Variants in WNK1 observed in about 807,000 individuals in gnomAD.
The protein encoded by WNK1 is serine/threonine-protein kinase WNK1.
A neutral mutation model predicts 222.8 loss-of-function variants in WNK1; 38 were observed. The ratio of observed to expected loss-of-function variants is 0.17; its 90% confidence interval spans 0.13 to 0.22. The LOEUF (loss-of-function observed/expected upper bound fraction) is 0.22. Ranked by LOEUF, WNK1 falls within the 10% of genes least tolerant of loss-of-function variation. The pLI, the probability that WNK1 is intolerant of heterozygous loss-of-function variation, is 1.00. For missense variants in WNK1, 2,348 were observed against 2,918.4 expected (o/e 0.80, Z 4.50); for synonymous variants, 1,090 against 1,092.9 (o/e 1.00, Z 0.05).
At chr12:785,591 G>A (rs1944223830) in intron 1 of WNK1, among the ~76,000 whole-genome samples, 1 of 151,934 alleles carries the variant, frequency 6.6e-6, no homozygotes, top group East Asian at 1.9e-4. Flanking sequence ...TAGAGACGGG[G>A]TTTCACCGTG....
chr12:894,443 C>G, intron 22 of WNK1, 119 bp from the exon 23 acceptor site: 1 of 842,770 alleles, frequency 1.2e-6, no homozygotes, highest in Non-Finnish European at 2.0e-6. Context: ...AGGAAGTTCT[C>G]TTTGCCTCTA....
Position 813,269 on chromosome 12 carries a change from T to C in WNK1, c.760-373T>C, listed in dbSNP as rs151037902. Reference sequence around the variant, plus strand: ...AACAAAAATAAAAACAATGTTTTGGTTAAAGATAGATTGATTTTAATCAAG... The same window carrying C: ...AACAAAAATAAAAACAATGTTTTGGCTAAAGATAGATTGATTTTAATCAAG... On this transcript the variant is annotated intron_variant, in intron 1 of 27. Coordinates refer to ENST00000315939, the MANE Select transcript of WNK1 (RefSeq NM_018979.4). Among the ~76,000 whole-genome samples, 590 of 152,298 alleles carry C rather than the reference T, an allele frequency of 3.9e-3. 4 individuals carry two copies. The highest frequency in any genetic ancestry group is 6.8e-3 in the Middle Eastern group (2 of 294).
chr12:853,345 G>C (rs1404597286), intron 4 of WNK1, among the ~76,000 whole-genome samples: 2 of 152,168 alleles, frequency 1.3e-5, no homozygotes, highest in Non-Finnish European at 2.9e-5. Flanking sequence ...TGTTTGCAGG[G>C]ATAGGATTAA....
chr12:828,514 T>C (rs758163997), intron 3 of WNK1, among the ~76,000 whole-genome samples: 1 of 152,142 alleles, frequency 6.6e-6, no homozygotes, highest in Non-Finnish European at 1.5e-5. Context: ...TTGTACGTTG[T>C]AAGACTCTGG....
Position 827,514 on chromosome 12 carries a change from G to T in WNK1, c.1153+252G>T. 1.9e-6 allele frequency: 1 copy of T among 524,092 alleles called. No homozygotes were observed. Among genetic ancestry groups the T allele is most frequent in the Non-Finnish European group, 3.3e-6 (1 of 302,832 alleles). 32.5% of individuals were successfully genotyped at this position (524,092 alleles called of 1,614,324 possible). ...TTTGTTGATAAAACCTAATGTAATA[G>T]CCTTTTTTGTTGTTGTTGTTGTTGT... is the stretch of plus-strand genomic sequence containing the variant. On this transcript the variant is annotated intron_variant, in intron 3 of 27. Transcript: ENST00000315939. This position sits in a 1 kb window ranked among gnomAD's most constrained non-coding sequence, Gnocchi z 4.6.
At chr12:815,540 ACT>A (rs1947274041) in intron 2 of WNK1, among the ~76,000 whole-genome samples, 1 of 152,078 alleles carries the variant, frequency 6.6e-6, no homozygotes, top group South Asian at 2.1e-4. Flanking sequence ...GCTTCTTGAT[ACT>A]CTCTTTTCTT....
intron 1 of WNK1, among the ~76,000 whole-genome samples, chr12:811,923 A>G (rs1946944021): frequency 1.3e-5 from 2 of 152,242 alleles, no homozygotes; most frequent in Non-Finnish European, 2.9e-5. Context: ...TTAGCTATAT[A>G]AAGTAGCCTG....
intron 26 of WNK1, chr12:906,731 T>C: frequency 1.0e-6 from 1 of 985,310 alleles, no homozygotes; most frequent in Non-Finnish European, 1.2e-6. Flanking sequence ...CTTCTCTTAT[T>C]ACCTCTCTCT....
intron 19 of WNK1, 45 bp downstream of exon 19, chr12:886,129 T>TG: frequency 1.3e-6 from 2 of 1,523,972 alleles, no homozygotes; most frequent in African/African-American, 2.8e-5. Context: ...TGATCAGTTT[T>TG]TTTTCTCCCT....
In WNK1 at chr12:884,373, C is replaced by A; in HGVS notation, c.3844+130C>A. On this transcript the variant is annotated intron_variant, in intron 18 of 27. Coordinates refer to ENST00000315939, the MANE Select transcript of WNK1 (RefSeq NM_018979.4). The surrounding 1 kb of genome is among the most constrained non-coding windows in gnomAD (Gnocchi z 5.6). ...AAAGAATAGAAAACTGAAGTTATAA[C>A]CAACAGATAAACATATGGGAGAGGG... 1 of 1,405,220 alleles carries A rather than the reference C, an allele frequency of 7.1e-7. No homozygotes were observed. The highest frequency in any genetic ancestry group is 9.9e-7 in the Non-Finnish European group (1 of 1,007,828). 87.0% of individuals were successfully genotyped at this position (1,405,220 alleles called of 1,614,324 possible).
intron 1 of WNK1, among the ~76,000 whole-genome samples, chr12:810,957 T>C (rs1213883675): frequency 6.6e-6 from 1 of 152,190 alleles, no homozygotes; most frequent in African/African-American, 2.4e-5. Flanking sequence ...TCATTTATCC[T>C]GTCAAAACAA....
At chr12:756,723 A>G (rs1326372040) in intron 1 of WNK1, among the ~76,000 whole-genome samples, 1 of 152,212 alleles carries the variant, frequency 6.6e-6, no homozygotes, top group African/African-American at 2.4e-5. Flanking sequence ...CAGTGTTTGA[A>G]CTTTTATCTT....
chr12:894,478 A>G, intron 22 of WNK1, 84 bp from the exon 23 acceptor site: 2 of 1,177,114 alleles, frequency 1.7e-6, no homozygotes, highest in Non-Finnish European at 2.5e-6. Flanking sequence ...GTGTAGTTTG[A>G]TTTTGCTGTA....
At chr12:808,667 C>T (rs1344319025) in intron 1 of WNK1, among the ~76,000 whole-genome samples, 3 of 151,948 alleles carry the variant, frequency 2.0e-5, no homozygotes, top group Admixed American at 2.0e-4. Context: ...CTTTTACATA[C>T]TCTTGGCCCA....
At chr12:883,243 C>G (rs1259623859) in intron 15 of WNK1, 152 bp from the exon 16 acceptor site, 1 of 1,018,882 alleles carries the variant, frequency 9.8e-7, no homozygotes, top group Non-Finnish European at 1.5e-6. Flanking sequence ...CTATGTCTAA[C>G]TAGATATTGA....
intron 2 of WNK1, among the ~76,000 whole-genome samples, chr12:817,682 T>G (rs1050591542): frequency 3.3e-5 from 5 of 152,176 alleles, no homozygotes; most frequent in Admixed American, 2.0e-4. Flanking sequence ...TTCACACCTG[T>G]AATCCCAGCA....
At chr12:790,691 A>G (rs184492011) in intron 1 of WNK1, among the ~76,000 whole-genome samples, 2 of 152,314 alleles carry the variant, frequency 1.3e-5, no homozygotes, top group East Asian at 3.9e-4. Context: ...TGCTAATCAC[A>G]GTTTTAAAAA....
intron 2 of WNK1, among the ~76,000 whole-genome samples, chr12:824,316 G>A (rs7971329): frequency 0.64 from 95,370 of 150,162 alleles, 30,962 homozygotes; most frequent in East Asian, 0.87. Context: ...ATTAATATTC[G>A]TATTTTTATA....
intron 1 of WNK1, among the ~76,000 whole-genome samples, chr12:804,883 T>C (rs1451606425): frequency 1.9e-5 from 2 of 103,250 alleles, no homozygotes. Context: ...GTACCATGTG[T>C]CAAAATTTGG....
Sources: allele counts gnomAD v4.1 joint callset (sites outside exome capture counted in the v4.1 genomes callset), GRCh38; gene constraint gnomAD v4.1.1; non-coding constraint Gnocchi (gnomAD v3.1); transcripts MANE v1.5; gene names NCBI Gene and HGNC (gene_info 2026-07-23, HGNC 2026-07-21).